Variants in CD8A observed in about 807,000 individuals in gnomAD.
The protein encoded by CD8A is CD8 subunit alpha.
Under a neutral mutation model 24.2 loss-of-function variants are expected in CD8A, and 25 were observed. The observed-to-expected ratio is 1.03, with a 90% confidence interval of 0.75 to 1.44. The LOEUF (loss-of-function observed/expected upper bound fraction) is 1.44, where lower values mean the gene tolerates loss of function less well. Ranked by LOEUF, CD8A falls within the 40% of genes most tolerant of loss-of-function variation. The pLI, the probability that CD8A is intolerant of heterozygous loss-of-function variation, is 0.00. For synonymous variants in CD8A, 165 were observed against 149.9 expected, an observed-to-expected ratio of 1.10 and a Z score of -0.74; for missense variants, 360 against 319.7, an observed-to-expected ratio of 1.13 and a Z score of -0.96.
intron 3 of CD8A, 51 bp from the exon 4 acceptor site, chr2:86,789,484 A>C (rs773137888): frequency 2.1e-5 from 30 of 1,445,066 alleles, no homozygotes; most frequent in Non-Finnish European, 2.7e-5. Flanking sequence ...GGACCTCCCA[A>C]CCGCCCCACC....
intron 4 of CD8A, 123 bp downstream of exon 4, chr2:86,789,200 G>A (rs910546671): frequency 8.0e-6 from 6 of 747,376 alleles, no homozygotes; most frequent in Non-Finnish European, 1.5e-5. Context: ...TACCTGCGGG[G>A]CAGCTCGGGA....
intron 4 of CD8A, 71 bp downstream of exon 4, chr2:86,789,252 C>T (rs1673157797): frequency 9.8e-7 from 1 of 1,016,900 alleles, no homozygotes; most frequent in Admixed American, 1.7e-5. Context: ...TCGCAAGGTC[C>T]GCCTGGAGCT....
chr2:86,790,254 G>A, intron 2 of CD8A, 74 bp downstream of exon 2: 2 of 1,070,364 alleles, frequency 1.9e-6, no homozygotes, highest in South Asian at 2.5e-5. Context: ...TGAAAGCAGG[G>A]CCCAGGTGTG....
At position 86,789,725 on chromosome 2, in the gene CD8A, C is replaced by A. The variant is rs1573460306; in HGVS notation, c.429G>T (p.Pro143=). The A allele has an allele frequency of 7.3e-7, 1 of 1,369,896 alleles. No homozygotes were observed. Among genetic ancestry groups the A allele is most frequent in the Non-Finnish European group, 9.4e-7 (1 of 1,069,306 alleles). 84.9% of individuals were successfully genotyped at this position (1,369,896 alleles called of 1,614,324 possible). Residue 143 remains proline, a synonymous_variant, in exon 3 of 6, where the codon CCG becomes CCT. Transcript: ENST00000283635. Reference sequence around the variant, plus strand: ...TGGTGGGCGCCGGTGTTGGTGGTCGCGGCGCTGGCGTCGTGGTGGGCTTCG... The same window carrying A: ...TGGTGGGCGCCGGTGTTGGTGGTCGAGGCGCTGGCGTCGTGGTGGGCTTCG... The part of the protein sequence containing the change: ...LPAKPTTTPA[P]RPPTPAPTIA...
At chr2:86,803,991 A>C (rs1218528205) in intron 2 of CD8A, among the ~76,000 whole-genome samples, 4 of 152,252 alleles carry the variant, frequency 2.6e-5, no homozygotes, top group Non-Finnish European at 5.9e-5. Context: ...AATAAAGTAC[A>C]ATATGAAGAC....
intron 3 of CD8A, among the ~76,000 whole-genome samples, chr2:86,798,201 GT>G (rs1193039623): frequency 6.7e-6 from 1 of 149,562 alleles, no homozygotes; most frequent in Non-Finnish European, 1.5e-5. Context: ...TTGAGATGGA[GT>G]TTCCCTCTTG....
chr2:86,798,209 C>G (rs1023656699), intron 3 of CD8A, among the ~76,000 whole-genome samples: 6 of 149,824 alleles, frequency 4.0e-5, no homozygotes, highest in African/African-American at 1.5e-4. Context: ...GAGTTTCCCT[C>G]TTGTTGCTCA....
Position 86,790,869 on chromosome 2 carries a change from AG to A in CD8A, c.-45del, listed in dbSNP as rs1269551638. 5 of 1,529,968 alleles carry A rather than the reference AG, an allele frequency of 3.3e-6. No homozygotes were observed. Among genetic ancestry groups the A allele is most frequent in the African/African-American group, 1.4e-5 (1 of 72,922 alleles). The allele number at this position is 1,529,968 out of a possible 1,614,324, so 94.8% of individuals were successfully genotyped here. On this transcript the variant is annotated 5_prime_UTR_variant, in exon 1 of 6. Transcript: ENST00000283635. The stretch of plus-strand genomic sequence containing the variant: ...CTGCTTGGCTCGAAGCTCGGGCGCG[AG>A]GGGAGGCGCGCGGGAGCCGGTGGGG...
chr2:86,802,039 T>C (rs1320015386), intron 2 of CD8A, among the ~76,000 whole-genome samples: 3 of 152,188 alleles, frequency 2.0e-5, no homozygotes, highest in Admixed American at 2.0e-4. Flanking sequence ...ACTTTTATAT[T>C]TATTTATTTA....
At chr2:86,804,302 T>C (rs1270181405) in intron 2 of CD8A, among the ~76,000 whole-genome samples, 3 of 152,242 alleles carry the variant, frequency 2.0e-5, no homozygotes, top group East Asian at 1.9e-4. Context: ...GAGGATATTA[T>C]GCTAAGTGAA....
rs1237645394 is a variant in CD8A at position 86,790,424 on chromosome 2, T to A, written c.307A>T (p.Ser103Cys). ...CCCTCGTTCTCTCGGCGGAAGTCGC[T>A]CAGGGTGAGGACGAAGGTGTCCCCC... ...RLGDTFVLTL[S>C]DFRRENEGYY... is the part of the protein sequence containing the mutation. The change falls in exon 2 of 6, where the codon AGC becomes TGC. Residue 103 changes from serine to cysteine, a missense_variant. By Grantham distance (112) the Ser-to-Cys change is moderately radical. Transcript: ENST00000283635. 6.2e-7 allele frequency: 1 copy of A among 1,613,890 alleles called. No individual in the cohort carries two copies. The highest frequency in any genetic ancestry group is 1.3e-5 in the African/African-American group (1 of 74,896).
chr2:86,796,686 C>T (rs1573466876), intron 3 of CD8A, among the ~76,000 whole-genome samples: 2 of 152,290 alleles, frequency 1.3e-5, no homozygotes, highest in East Asian at 3.9e-4. Context: ...TGATCCTTGC[C>T]TTCTTAAAAC....
At chr2:86,797,957 A>C (rs1384888080) in intron 3 of CD8A, among the ~76,000 whole-genome samples, 1 of 152,216 alleles carries the variant, frequency 6.6e-6, no homozygotes, top group Non-Finnish European at 1.5e-5. Flanking sequence ...AGGATGCCGA[A>C]TGTCCAATGA....
At chr2:86,791,918 C>T (rs1182821145), upstream of CD8A, among the ~76,000 whole-genome samples, 2 of 152,210 alleles carry the variant, frequency 1.3e-5, no homozygotes, top group Admixed American at 6.5e-5. Context: ...TTTCTTTCAC[C>T]CCCAGCTCTG....
Position 86,785,316 on chromosome 2 carries a change from T to C in CD8A, c.*604A>G, listed in dbSNP as rs1672951994. The C allele has an allele frequency of 2.2e-6, 1 of 454,158 alleles. No homozygotes were observed. The highest frequency in any genetic ancestry group is 4.4e-6 in the Non-Finnish European group (1 of 226,794). The allele number at this position is 454,158 out of a possible 1,614,324, so 28.1% of individuals were successfully genotyped here. A position where few individuals can be genotyped will look rare whatever the true frequency, so the allele number is the denominator to read the frequency against. ...TGATATTGTTTACATTATAGAACTC[T>C]GCCAAAGGCAGTTCTCTTCTTTAAT... On this transcript the variant is annotated 3_prime_UTR_variant, in exon 6 of 6. Transcript: ENST00000283635.
At chr2:86,798,242 G>A (rs1673546130) in intron 3 of CD8A, among the ~76,000 whole-genome samples, 1 of 150,584 alleles carries the variant, frequency 6.6e-6, no homozygotes, top group Non-Finnish European at 1.5e-5. Context: ...ATGGCACGAT[G>A]TTGGCTCACC....
chr2:86,786,966 G>A (rs1182959862), intron 5 of CD8A, among the ~76,000 whole-genome samples: 1 of 117,946 alleles, frequency 8.5e-6, no homozygotes, highest in Non-Finnish European at 1.6e-5. Flanking sequence ...CTTGCAGTGA[G>A]CCGAGATCGC....
intron 3 of CD8A, among the ~76,000 whole-genome samples, chr2:86,800,661 C>T (rs540707462): frequency 4.6e-5 from 7 of 152,192 alleles, no homozygotes; most frequent in Non-Finnish European, 7.4e-5. Flanking sequence ...GCTTCCAAAA[C>T]CCAAGAAAGT....
chr2:86,790,959 T>A, upstream of CD8A: 1 of 882,490 alleles, frequency 1.1e-6, no homozygotes, highest in Non-Finnish European at 1.8e-6. Context: ...TTGGAGGATG[T>A]GATGTCACCC....
Sources: gnomAD v4.1 joint callset for allele counts (sites outside exome capture counted in the v4.1 genomes callset) on GRCh38, gnomAD v4.1.1 for gene constraint, MANE v1.5 for transcripts, NCBI Gene and HGNC (gene_info 2026-07-23, HGNC 2026-07-21) for gene names.